SPHKAP: variants seen among roughly 807,000 people sequenced by gnomAD.
SPHKAP encodes the protein SPHK1 interactor, AKAP domain containing, also known as A-kinase anchor protein SPHKAP.
SPHKAP carries 67 observed loss-of-function variants against 137.5 expected under a neutral mutation model. That is an observed-to-expected ratio of 0.49 (90% CI 0.40 to 0.60). The LOEUF (loss-of-function observed/expected upper bound fraction) is 0.60, where lower values mean the gene tolerates loss of function less well. Ranked by LOEUF, SPHKAP falls within the 20% of genes least tolerant of loss-of-function variation. The pLI is 0.00. For synonymous variants in SPHKAP, 813 were observed against 785.3 expected, an observed-to-expected ratio of 1.04 and a Z score of -0.59; for missense variants, 2,097 against 2,069.3, an observed-to-expected ratio of 1.01 and a Z score of -0.26.
chr2:228,031,317 G>T (rs1347255261), intron 3 of SPHKAP, among the ~76,000 whole-genome samples: 1 of 152,230 alleles, frequency 6.6e-6, no homozygotes, highest in Non-Finnish European at 1.5e-5. Flanking sequence ...CGAGGCTGGG[G>T]GAGGGGTGTT....
At chr2:228,008,332 T>C (rs566971686) in intron 7 of SPHKAP, among the ~76,000 whole-genome samples, 1 of 151,652 alleles carries the variant, frequency 6.6e-6, no homozygotes, top group African/African-American at 2.4e-5. Context: ...AGTCTTGCTC[T>C]GTCACCCAGG....
intron 2 of SPHKAP, among the ~76,000 whole-genome samples, chr2:228,129,152 T>TGGTAACAGATCACC (rs1030973114): frequency 6.6e-6 from 1 of 152,162 alleles, no homozygotes; most frequent in African/African-American, 2.4e-5. Flanking sequence ...CGAAGATCAC[T>TGGTAACAGATCACC]GGTAACAGAT....
Position 228,028,530 on chromosome 2 carries a change from T to C in SPHKAP, c.247-987A>G, listed in dbSNP as rs371338467. ...ATTTTGGTCAAGAACTGATCACATATACAACAGTGGTCCTTTAAGATTATA... is the reference window on the plus strand; with the variant it reads ...ATTTTGGTCAAGAACTGATCACATACACAACAGTGGTCCTTTAAGATTATA... On this transcript the variant is annotated intron_variant, in intron 3 of 11. Transcript: ENST00000392056. Among the ~76,000 whole-genome samples, 47 of 152,372 alleles carry C rather than the reference T, an allele frequency of 3.1e-4. 1 individual carries two copies. The highest frequency in any genetic ancestry group is 9.9e-4 in the African/African-American group (41 of 41,590).
intron 2 of SPHKAP, among the ~76,000 whole-genome samples, chr2:228,110,240 T>G (rs928263875): frequency 6.6e-6 from 1 of 151,954 alleles, no homozygotes; most frequent in Non-Finnish European, 1.5e-5. Context: ...TACAGTTAAC[T>G]AAATCTAATT....
intron 3 of SPHKAP, among the ~76,000 whole-genome samples, chr2:228,089,267 A>G (rs1697641834): frequency 1.3e-5 from 2 of 152,236 alleles, no homozygotes; most frequent in Non-Finnish European, 1.5e-5. Flanking sequence ...CATTGTGTCC[A>G]TGCTCTAGGG....
intron 2 of SPHKAP, among the ~76,000 whole-genome samples, chr2:228,109,726 G>A (rs1394335001): frequency 2.6e-5 from 4 of 152,008 alleles, no homozygotes; most frequent in Non-Finnish European, 4.4e-5. Context: ...AGCACTTTGG[G>A]AGGCCGAGGT....
At chr2:228,075,889 G>A (rs1697164381) in intron 3 of SPHKAP, among the ~76,000 whole-genome samples, 2 of 152,160 alleles carry the variant, frequency 1.3e-5, no homozygotes, top group South Asian at 4.1e-4. Context: ...ATACACTTAA[G>A]TAATGGGAAT....
chr2:227,986,939 G>A (rs1384348561), intron 11 of SPHKAP, among the ~76,000 whole-genome samples: 1 of 152,266 alleles, frequency 6.6e-6, no homozygotes, highest in East Asian at 1.9e-4. Flanking sequence ...TCTTTTATTG[G>A]CCTTGGATTA....
At chr2:228,060,575 TTCTGTAGCC>T in intron 3 of SPHKAP, among the ~76,000 whole-genome samples, 1 of 152,222 alleles carries the variant, frequency 6.6e-6, no homozygotes, top group Non-Finnish European at 1.5e-5. Flanking sequence ...GCATGTCTTT[TTCTGTAGCC>T]AAACAAGGGT....
Position 228,150,481 on chromosome 2 carries a change from T to G in SPHKAP, c.33-18396A>C, listed in dbSNP as rs1574897234. On this transcript the variant is annotated intron_variant, in intron 1 of 11. Transcript: ENST00000392056. The stretch of plus-strand genomic sequence containing the variant: ...GTAGACTATTCGTGGTTTCCATTTC[T>G]TCTTGAGTTACTTTAGTAAGTTATA... Among the ~76,000 whole-genome samples, 5 of 152,210 alleles carry G rather than the reference T, an allele frequency of 3.3e-5. 1 individual carries two copies. In the South Asian group the frequency reaches 1.0e-3, roughly 32 times the overall value.
At chr2:228,039,510 A>G (rs1405889211) in intron 3 of SPHKAP, among the ~76,000 whole-genome samples, 1 of 152,174 alleles carries the variant, frequency 6.6e-6, no homozygotes, top group Non-Finnish European at 1.5e-5. Context: ...CTCTCTTTTC[A>G]TAAATGAAGT....
At chr2:228,102,612 A>G (rs1342069871) in intron 3 of SPHKAP, among the ~76,000 whole-genome samples, 1 of 152,244 alleles carries the variant, frequency 6.6e-6, no homozygotes, top group Non-Finnish European at 1.5e-5. Context: ...TGATAAACGT[A>G]TGGAGTAAGT....
Position 228,020,096 on chromosome 2 carries a change from G to A in SPHKAP, c.758C>T (p.Thr253Ile). ...CTTGTTGCAATTCCATTCCACCTGG[G>A]TGGCTCCCTTTAGCTGTTTACTTTC... ...VLESKQLKGA[T>I]QVEWNCNKEK... is the part of the protein sequence containing the mutation. Residue 253 changes from threonine (T) to isoleucine (I), a missense_variant, in exon 7 of 12, where the codon ACC becomes ATC. Thr to Ile is a moderately conservative substitution (Grantham distance 89). Transcript: ENST00000392056. 1 of 1,614,008 alleles carries A rather than the reference G, an allele frequency of 6.2e-7. No individual in the cohort carries two copies. The highest frequency in any genetic ancestry group is 1.3e-5 in the African/African-American group (1 of 75,042).
chr2:228,082,587 T>C (rs1475800719), intron 3 of SPHKAP, among the ~76,000 whole-genome samples: 1 of 152,158 alleles, frequency 6.6e-6, no homozygotes, highest in African/African-American at 2.4e-5. Context: ...CCTCTGTCTT[T>C]GTATAAAAAG....
chr2:228,018,507 C>T lies in SPHKAP; in HGVS notation c.2347G>A (p.Val783Ile). Reference sequence around the variant, plus strand: ...ATGCCATCCACAAGATTGTTGATGACAAGACTCGTGTTGTGTGAATTGCTA... The same window carrying T: ...ATGCCATCCACAAGATTGTTGATGATAAGACTCGTGTTGTGTGAATTGCTA... Reference protein sequence around the residue: ...PLSNSHNTSLVINNLVDGMYS... With the variant: ...PLSNSHNTSLIINNLVDGMYS... Residue 783 changes from valine (V) to isoleucine (I), a missense_variant, in exon 7 of 12, where the codon GTC becomes ATC. Physicochemically the swap from Val to Ile is conservative, Grantham distance 29. Coordinates refer to ENST00000392056, the MANE Select transcript of SPHKAP (RefSeq NM_001142644.2). The T allele has an allele frequency of 3.1e-6, 5 of 1,614,126 alleles. No homozygotes were observed. The highest frequency in any genetic ancestry group is 4.2e-6 in the Non-Finnish European group (5 of 1,180,008).
chr2:228,061,551 C>T (rs1242831319), intron 3 of SPHKAP, among the ~76,000 whole-genome samples: 3 of 152,196 alleles, frequency 2.0e-5, no homozygotes, highest in Middle Eastern at 3.4e-3. Flanking sequence ...GGATTACAGG[C>T]ATGAGCCACC....
At chr2:228,157,896 A>G (rs552069339) in intron 1 of SPHKAP, among the ~76,000 whole-genome samples, 68 of 152,324 alleles carry the variant, frequency 4.5e-4, no homozygotes, top group African/African-American at 1.5e-3. Flanking sequence ...AAATGTCACC[A>G]AGGAAACAAG....
intron 1 of SPHKAP, among the ~76,000 whole-genome samples, chr2:228,139,452 T>C (rs1699528430): frequency 6.6e-6 from 1 of 152,206 alleles, no homozygotes; most frequent in African/African-American, 2.4e-5. Context: ...TTGGAGATTA[T>C]ATGACAATAT....
chr2:228,041,945 T>A (rs1695868751), intron 3 of SPHKAP, among the ~76,000 whole-genome samples: 1 of 152,128 alleles, frequency 6.6e-6, no homozygotes, highest in Admixed American at 6.5e-5. Flanking sequence ...TAATCATCTT[T>A]ACTAGTCGGC....
Sources: gnomAD v4.1 joint callset for allele counts (sites outside exome capture counted in the v4.1 genomes callset) on GRCh38, gnomAD v4.1.1 for gene constraint, MANE v1.5 for transcripts, NCBI Gene and HGNC (gene_info 2026-07-23, HGNC 2026-07-21) for gene names.